Variants in MEF2C observed in about 807,000 individuals in gnomAD.
MEF2C encodes the protein myocyte enhancer factor 2C.
MEF2C carries 6 observed loss-of-function variants against 50.5 expected under a neutral mutation model. The observed-to-expected ratio is 0.12, with a 90% CI of 0.07 to 0.23. MEF2C has a LOEUF of 0.23. Among genes scored for constraint, MEF2C ranks in the 10% least tolerant of loss-of-function variants. The probability of loss-of-function intolerance (pLI) is 1.00; values close to 1 mark genes in which losing one functional copy is unlikely to be tolerated. For synonymous variants in MEF2C, 183 were observed against 228.0 expected, an observed-to-expected ratio of 0.80 and a Z score of 1.78; for missense variants, 276 against 605.0, an observed-to-expected ratio of 0.46 and a Z score of 5.70.
chr5:88,760,851 T>C, intron 4 of MEF2C: 1 of 961,538 alleles, frequency 1.0e-6, no homozygotes, highest in East Asian at 2.6e-5. Flanking sequence ...GCTTTCTAAA[T>C]GAGCTGCCCG....
intron 3 of MEF2C, among the ~76,000 whole-genome samples, chr5:88,801,418 C>T (rs1798276748): frequency 6.6e-6 from 1 of 151,976 alleles, no homozygotes; most frequent in South Asian, 2.1e-4. Flanking sequence ...TATCATAGGT[C>T]TTTGCCTCCA....
intron 2 of MEF2C, 66 bp from the exon 3 acceptor site, chr5:88,804,867 C>CT: frequency 7.5e-7 from 1 of 1,330,910 alleles, no homozygotes. Context: ...TTTTTCTTTT[C>CT]TTTTTTCTTT....
At chr5:88,766,945 C>G (rs765385088) in intron 3 of MEF2C, 10 of 329,538 alleles carry the variant, frequency 3.0e-5, no homozygotes, top group Non-Finnish European at 4.3e-5. Context: ...TCTTAACAAG[C>G]TGAATAATCT....
intron 7 of MEF2C, among the ~76,000 whole-genome samples, chr5:88,730,976 T>G (rs1445987474): frequency 6.6e-6 from 1 of 152,190 alleles, no homozygotes; most frequent in Non-Finnish European, 1.5e-5. Context: ...TGTTGTTGAA[T>G]TTGGTCCCAT....
chr5:88,858,039 T>C (rs1824097457), intron 1 of MEF2C, among the ~76,000 whole-genome samples: 1 of 152,252 alleles, frequency 6.6e-6, no homozygotes, highest in Non-Finnish European at 1.5e-5. Flanking sequence ...AGTATTGTTT[T>C]TAGACTCATA....
At chr5:88,761,783 G>C (rs781438550) in intron 3 of MEF2C, 11 of 164,088 alleles carry the variant, frequency 6.7e-5, no homozygotes, top group Non-Finnish European at 1.0e-4. Context: ...CTAATGGTTG[G>C]CATTAGTGGT....
intron 6 of MEF2C, chr5:88,741,781 A>G: frequency 3.0e-6 from 3 of 985,166 alleles, no homozygotes; most frequent in Non-Finnish European, 3.6e-6. Context: ...TGTAAAAAGA[A>G]GGCATAATGT....
intron 1 of MEF2C, chr5:88,844,718 TA>T: frequency 3.2e-6 from 1 of 311,054 alleles, no homozygotes; most frequent in Non-Finnish European, 4.7e-6. Context: ...TCCTCATGGT[TA>T]AAATTTTAAA....
chr5:88,805,462 C>G (rs888662898), intron 2 of MEF2C, among the ~76,000 whole-genome samples: 4 of 152,044 alleles, frequency 2.6e-5, no homozygotes, highest in African/African-American at 9.7e-5. Flanking sequence ...AATCTATTAC[C>G]AAGACCCATA....
chr5:88,839,620 T>C (rs564451633), intron 1 of MEF2C: 2 of 152,254 alleles, frequency 1.3e-5, no homozygotes, highest in South Asian at 2.1e-4. Context: ...CAGTAATAAG[T>C]GTTCTGAAAA....
chr5:88,849,887 T>C (rs1294083030), intron 1 of MEF2C, among the ~76,000 whole-genome samples: 1 of 152,210 alleles, frequency 6.6e-6, no homozygotes, highest in Non-Finnish European at 1.5e-5. Context: ...TTCCTAGACC[T>C]TCCTCTCAAA....
At chr5:88,729,197 G>A in intron 9 of MEF2C, 21 bp downstream of exon 9, 2 of 1,612,048 alleles carry the variant, frequency 1.2e-6, no homozygotes, top group Non-Finnish European at 1.7e-6. Flanking sequence ...TGTACTAATT[G>A]CACATGACAA....
intron 2 of MEF2C, among the ~76,000 whole-genome samples, chr5:88,820,391 A>G (rs1807712948): frequency 6.6e-6 from 1 of 151,966 alleles, no homozygotes; most frequent in Admixed American, 6.6e-5. Flanking sequence ...TCTGAATTTG[A>G]GCTGTTCCCT....
At chr5:88,851,233 CAA>C (rs35458971) in intron 1 of MEF2C, among the ~76,000 whole-genome samples, 36,881 of 106,238 alleles carry the variant, frequency 0.35, 3,075 homozygotes, top group East Asian at 0.42. Flanking sequence ...CTCCATCTCA[CAA>C]AAAAAAAAAA....
chr5:88,875,500 G>A (rs1004192168), intron 1 of MEF2C, among the ~76,000 whole-genome samples: 10 of 151,826 alleles, frequency 6.6e-5, no homozygotes, highest in African/African-American at 2.4e-4. Flanking sequence ...TTTTCTTTTC[G>A]AAACAAAAAG....
intron 6 of MEF2C, chr5:88,742,968 A>G: frequency 2.1e-6 from 2 of 973,722 alleles, no homozygotes; most frequent in Non-Finnish European, 2.4e-6. Context: ...AATAATAATA[A>G]TAAAGCAATG....
chr5:88,746,493 A>G, intron 6 of MEF2C: 2 of 983,212 alleles, frequency 2.0e-6, no homozygotes, highest in Non-Finnish European at 2.4e-6. Flanking sequence ...AAAAAACTGC[A>G]GCTGCTAAAA....
chr5:88,827,730 T>C (rs1811466611), intron 1 of MEF2C, among the ~76,000 whole-genome samples: 1 of 151,842 alleles, frequency 6.6e-6, no homozygotes, highest in Non-Finnish European at 1.5e-5. Context: ...ACAAAAGTCA[T>C]CGTACACAGT....
At chr5:88,860,203 G>A (rs1480395657) in intron 1 of MEF2C, among the ~76,000 whole-genome samples, 1 of 152,114 alleles carries the variant, frequency 6.6e-6, no homozygotes, top group Non-Finnish European at 1.5e-5. Flanking sequence ...ATTATGGAAA[G>A]TGCCAAAGAA....
Sources: allele counts gnomAD v4.1 joint callset (sites outside exome capture counted in the v4.1 genomes callset), GRCh38; gene constraint gnomAD v4.1.1; transcripts MANE v1.5; gene names NCBI Gene and HGNC (gene_info 2026-07-23, HGNC 2026-07-21).